Variants in TSHZ2 observed in about 807,000 individuals in gnomAD.
The protein encoded by TSHZ2 is teashirt homolog 2.
TSHZ2 carries 21 observed loss-of-function variants against 74.4 expected under a neutral mutation model. The ratio of observed to expected loss-of-function variants is 0.28; its 90% CI spans 0.20 to 0.41. TSHZ2 has a LOEUF of 0.41. Among genes scored for constraint, TSHZ2 ranks in the 10% least tolerant of loss-of-function variants. The probability of loss-of-function intolerance (pLI) is 1.00; values close to 1 mark genes in which losing one functional copy is unlikely to be tolerated. For synonymous variants in TSHZ2, 540 were observed against 515.3 expected (o/e 1.05, Z -0.65); for missense variants, 1,244 against 1,293.5 (o/e 0.96, Z 0.59).
At chr20:53,405,071 G>A (rs1444535900) in intron 2 of TSHZ2, among the ~76,000 whole-genome samples, 1 of 152,100 alleles carries the variant, frequency 6.6e-6, no homozygotes, top group Non-Finnish European at 1.5e-5. Context: ...CCACCAGGGC[G>A]AAAACCTGTC....
rs1159543308 is a variant in TSHZ2 at position 53,067,780 on chromosome 20, G to GT, written c.40+94449dup. Reference sequence around the variant, plus strand: ...AGTTCTGCTGTGGTTCTCTGGGTGTGTTAGTGGCTGCTGGGACAAAGTGCC... The same window carrying GT: ...AGTTCTGCTGTGGTTCTCTGGGTGTGTTTAGTGGCTGCTGGGACAAAGTGCC... On this transcript the variant is annotated intron_variant, in intron 1 of 2. Transcript: ENST00000371497. Among the ~76,000 whole-genome samples the GT allele has an allele frequency of 2.0e-5, 3 of 152,224 alleles. 1 individual carries two copies. In the South Asian group the frequency reaches 6.2e-4, roughly 32 times the overall value.
intron 1 of TSHZ2, among the ~76,000 whole-genome samples, chr20:53,204,194 T>A: frequency 6.9e-6 from 1 of 144,710 alleles, no homozygotes; most frequent in African/African-American, 2.5e-5. Context: ...TGATACTATA[T>A]CATCATATGA....
At chr20:52,992,705 C>T (rs546563967) in intron 1 of TSHZ2, among the ~76,000 whole-genome samples, 1 of 152,288 alleles carries the variant, frequency 6.6e-6, no homozygotes, top group African/African-American at 2.4e-5. Context: ...AAATGAGTTT[C>T]CAAACTTGCC....
chr20:53,205,848 C>T (rs940055225), intron 1 of TSHZ2, among the ~76,000 whole-genome samples: 3 of 152,164 alleles, frequency 2.0e-5, no homozygotes, highest in African/African-American at 7.2e-5. Context: ...GAGCACTGAT[C>T]GTGATGCTAT....
chr20:53,385,546 G>T (rs377114160), intron 2 of TSHZ2, among the ~76,000 whole-genome samples: 1 of 152,130 alleles, frequency 6.6e-6, no homozygotes, highest in Non-Finnish European at 1.5e-5. Context: ...TACCATTCTC[G>T]GTCGTGGGGC....
At chr20:53,227,514 T>C (rs1314927058) in intron 1 of TSHZ2, among the ~76,000 whole-genome samples, 2 of 151,550 alleles carry the variant, frequency 1.3e-5, no homozygotes, top group African/African-American at 4.9e-5. Context: ...TAATACCTGT[T>C]ATTAAATGAC....
intron 1 of TSHZ2, among the ~76,000 whole-genome samples, chr20:53,243,657 T>C (rs1990124179): frequency 6.6e-6 from 1 of 152,138 alleles, no homozygotes; most frequent in Non-Finnish European, 1.5e-5. Flanking sequence ...CTTTCCTGAA[T>C]GAGAAATTGG....
chr20:53,321,262 T>TATC (rs1229242631), intron 2 of TSHZ2, among the ~76,000 whole-genome samples: 1 of 152,206 alleles, frequency 6.6e-6, no homozygotes, highest in African/African-American at 2.4e-5. Flanking sequence ...TGGTCCCTTA[T>TATC]ATCATTCCTT....
chr20:53,393,647 C>T (rs1258555081), intron 2 of TSHZ2, among the ~76,000 whole-genome samples: 2 of 144,198 alleles, frequency 1.4e-5, no homozygotes, highest in East Asian at 3.9e-4. Flanking sequence ...GACAAAGTTG[C>T]ATAGAACTAC....
rs1405631207 is a variant in TSHZ2 at position 53,446,507 on chromosome 20, C to T, written c.*9-40637C>T. On this transcript the variant is annotated intron_variant, in intron 2 of 2. Coordinates refer to ENST00000371497, the MANE Select transcript of TSHZ2 (RefSeq NM_173485.6). ...GGCAGGAGAATGGCGTGAACCCAGG[C>T]GGCAGAGCTTGCAGTGAGTCAAGAT... 4.8e-5 allele frequency among the ~76,000 whole-genome samples: 7 copies of T among 146,640 alleles called. No individual in the cohort carries two copies. The East Asian group carries it at 6.1e-4, about 13-fold the overall frequency.
intron 1 of TSHZ2, among the ~76,000 whole-genome samples, chr20:53,154,152 A>G (rs6123255): frequency 0.1 from 15,929 of 152,296 alleles, 1,047 homozygotes; most frequent in East Asian, 0.34. Context: ...CCAATTTACC[A>G]GCAATCAGTC....
intron 1 of TSHZ2, among the ~76,000 whole-genome samples, chr20:53,087,945 C>T (rs1304104315): frequency 6.6e-6 from 1 of 152,156 alleles, no homozygotes; most frequent in Admixed American, 6.5e-5. Flanking sequence ...CTCTCTCCTC[C>T]AACCTTTTCC....
At chr20:53,428,774 C>A (rs1251486922) in intron 2 of TSHZ2, among the ~76,000 whole-genome samples, 1 of 152,164 alleles carries the variant, frequency 6.6e-6, no homozygotes, top group East Asian at 1.9e-4. Flanking sequence ...CCACATCATG[C>A]CCCCACAGAG....
intron 2 of TSHZ2, among the ~76,000 whole-genome samples, chr20:53,292,807 A>G (rs1991305563): frequency 6.6e-6 from 1 of 152,142 alleles, no homozygotes; most frequent in Non-Finnish European, 1.5e-5. Context: ...AATCCCCCTC[A>G]ATGGCCCTGT....
intron 2 of TSHZ2, among the ~76,000 whole-genome samples, chr20:53,274,180 G>T (rs1326978858): frequency 1.3e-5 from 2 of 152,214 alleles, no homozygotes; most frequent in Non-Finnish European, 2.9e-5. Flanking sequence ...TGAGGCAGGA[G>T]AATTGCTTGA....
intron 1 of TSHZ2, among the ~76,000 whole-genome samples, chr20:53,078,530 G>A (rs1774040226): frequency 6.6e-6 from 1 of 152,192 alleles, no homozygotes; most frequent in African/African-American, 2.4e-5. Context: ...TTTGAGCATG[G>A]AGGAATTATT....
chr20:52,975,522 G>GT (rs1981300269), intron 1 of TSHZ2, among the ~76,000 whole-genome samples: 3 of 150,086 alleles, frequency 2.0e-5, no homozygotes, highest in African/African-American at 7.3e-5. Flanking sequence ...GGTGTGTGGG[G>GT]GTGTGTGTGT....
At chr20:53,129,768 C>A (rs141536323) in intron 1 of TSHZ2, among the ~76,000 whole-genome samples, 1 of 152,052 alleles carries the variant, frequency 6.6e-6, no homozygotes, top group East Asian at 1.9e-4. Context: ...TCTCCCCTCC[C>A]GTGCCTTGCT....
intron 2 of TSHZ2, among the ~76,000 whole-genome samples, chr20:53,339,459 G>T (rs1980090388): frequency 1.3e-5 from 2 of 152,148 alleles, no homozygotes; most frequent in Admixed American, 6.5e-5. Context: ...GGCGTATTCT[G>T]CCCTCAAACT....
Sources: allele counts gnomAD v4.1 joint callset (sites outside exome capture counted in the v4.1 genomes callset), GRCh38; gene constraint gnomAD v4.1.1; transcripts MANE v1.5; gene names NCBI Gene and HGNC (gene_info 2026-07-23, HGNC 2026-07-21).